Variants in LRRC4C observed in about 807,000 individuals in gnomAD.
LRRC4C encodes the protein leucine rich repeat containing 4C, also known as leucine-rich repeat-containing protein 4C.
LRRC4C carries 5 observed loss-of-function variants against 33.6 expected under a neutral mutation model. That is an observed-to-expected ratio of 0.15 (90% CI 0.08 to 0.31). The LOEUF is 0.31. Ranked by LOEUF, LRRC4C falls within the 10% of genes least tolerant of loss-of-function variation. The probability of loss-of-function intolerance (pLI) is 1.00; values close to 1 mark genes in which losing one functional copy is unlikely to be tolerated. For synonymous variants in LRRC4C, 329 were observed against 302.0 expected (o/e 1.09, Z -0.93); for missense variants, 560 against 796.7 (o/e 0.70, Z 3.58).
At chr11:41,205,815 C>G (rs1375907033) in intron 1 of LRRC4C, among the ~76,000 whole-genome samples, 1 of 152,132 alleles carries the variant, frequency 6.6e-6, no homozygotes, top group Non-Finnish European at 1.5e-5. Context: ...TTATTATCCT[C>G]CTTTTACAGA....
chr11:40,622,081 A>G (rs748543128), intron 3 of LRRC4C, among the ~76,000 whole-genome samples: 60 of 151,832 alleles, frequency 4.0e-4, no homozygotes, highest in Non-Finnish European at 8.0e-4. Context: ...AACTAAAACC[A>G]ATCTCTCAGG....
intron 3 of LRRC4C, among the ~76,000 whole-genome samples, chr11:40,394,885 T>C (rs984893475): frequency 2.0e-5 from 3 of 152,292 alleles, no homozygotes; most frequent in East Asian, 3.9e-4. Context: ...CTGTATCTAT[T>C]TCTCTTTGTA....
chr11:40,403,227 A>C (rs1949828926), intron 3 of LRRC4C, among the ~76,000 whole-genome samples: 2 of 152,122 alleles, frequency 1.3e-5, no homozygotes, highest in South Asian at 4.1e-4. Context: ...TCTACTCTGC[A>C]CCACAAGATG....
chr11:40,182,591 G>A lies in LRRC4C; in HGVS notation c.-95-41738C>T, dbSNP rs114161453. Among the ~76,000 whole-genome samples, 835 of 152,148 alleles carry A rather than the reference G, an allele frequency of 5.5e-3. 12 individuals carry two copies. Among genetic ancestry groups the A allele is most frequent in the African/African-American group, 0.019 (788 of 41,510 alleles). ...AAATAATTCTAATTGCATGCTAAAT[G>A]TTCAACGGCAATATTTAAAGAAAAA... is the stretch of plus-strand genomic sequence containing the variant. On this transcript the variant is annotated intron_variant, in intron 5 of 6. Coordinates refer to ENST00000528697, the MANE Select transcript of LRRC4C (RefSeq NM_001258419.2).
At chr11:40,855,053 C>G (rs556042230) in intron 2 of LRRC4C, among the ~76,000 whole-genome samples, 1 of 152,194 alleles carries the variant, frequency 6.6e-6, no homozygotes, top group Admixed American at 6.5e-5. Context: ...CTGATACTTC[C>G]ATTTCTCTGT....
chr11:40,400,076 G>A (rs1318882439), intron 3 of LRRC4C, among the ~76,000 whole-genome samples: 1 of 152,098 alleles, frequency 6.6e-6, no homozygotes, highest in African/African-American at 2.4e-5. Context: ...CATCTTCACA[G>A]AGAATAGAAC....
At chr11:40,299,559 G>T (rs1363008518) in intron 4 of LRRC4C, among the ~76,000 whole-genome samples, 1 of 152,194 alleles carries the variant, frequency 6.6e-6, no homozygotes, top group Non-Finnish European at 1.5e-5. Flanking sequence ...TAATGCATAG[G>T]AAAAGATTCA....
rs181773432 is a variant in LRRC4C, at chr11:40,330,477, A to G, written c.-269-10756T>C. 1.8e-3 allele frequency among the ~76,000 whole-genome samples: 275 copies of G among 152,236 alleles called. 1 individual carries two copies. Among genetic ancestry groups the G allele is most frequent in the African/African-American group, 6.4e-3 (265 of 41,540 alleles). On this transcript the variant is annotated intron_variant, in intron 3 of 6. Transcript: ENST00000528697. Reference sequence around the variant, plus strand: ...TATTTCTTTATGTTGGGAACATTCAAAATCTTCTTGTATTAGCCTGGTCTC... The same window carrying G: ...TATTTCTTTATGTTGGGAACATTCAGAATCTTCTTGTATTAGCCTGGTCTC...
chr11:41,190,730 C>G (rs1170758238), intron 1 of LRRC4C, among the ~76,000 whole-genome samples: 1 of 152,138 alleles, frequency 6.6e-6, no homozygotes, highest in African/African-American at 2.4e-5. Context: ...TCTGAAATGA[C>G]GTGACACTAG....
intron 3 of LRRC4C, among the ~76,000 whole-genome samples, chr11:40,360,554 G>A (rs4397839): frequency 0.5 from 75,445 of 151,996 alleles, 19,156 homozygotes; most frequent in East Asian, 0.8. Context: ...TCAATAGTGA[G>A]GTCTAATGAA....
At chr11:40,375,949 A>T (rs1452486) in intron 3 of LRRC4C, among the ~76,000 whole-genome samples, 151,058 of 152,286 alleles carry the variant, frequency 0.99, 74,942 homozygotes, top group Middle Eastern at 1. Flanking sequence ...CAAGTAATTA[A>T]CTTAAAATGT....
chr11:40,420,242 A>G (rs1381682681), intron 3 of LRRC4C, among the ~76,000 whole-genome samples: 1 of 152,174 alleles, frequency 6.6e-6, no homozygotes, highest in African/African-American at 2.4e-5. Context: ...GAAATCGATC[A>G]CCACAATTGT....
chr11:40,259,860 T>A lies in LRRC4C; in HGVS notation c.-175-18262A>T, dbSNP rs547635598. On this transcript the variant is annotated intron_variant, in intron 4 of 6. Coordinates refer to ENST00000528697, the MANE Select transcript of LRRC4C (RefSeq NM_001258419.2). ...AAATCAAAACCACAATGAGATACCA[T>A]CTCACACCAGTTAGAATGTCGATCA... Among the ~76,000 whole-genome samples, 463 of 152,212 alleles carry A rather than the reference T, an allele frequency of 3.0e-3. 4 individuals are homozygous for A. The highest frequency in any genetic ancestry group is 5.3e-3 in the Non-Finnish European group (359 of 68,024).
intron 3 of LRRC4C, among the ~76,000 whole-genome samples, chr11:40,497,378 T>C (rs748486156): frequency 7.9e-5 from 12 of 151,648 alleles, no homozygotes; most frequent in Non-Finnish European, 1.6e-4. Context: ...CACTCCAGCC[T>C]GGGCAACAAA....
intron 5 of LRRC4C, among the ~76,000 whole-genome samples, chr11:40,158,579 C>CAAAAAA (rs10652402): frequency 1.4e-5 from 2 of 141,210 alleles, no homozygotes; most frequent in African/African-American, 5.2e-5. Context: ...ACATACTTAT[C>CAAAAAA]AAAAAAAAAA....
chr11:40,834,559 A>G (rs1389715739), intron 2 of LRRC4C, among the ~76,000 whole-genome samples: 3 of 152,186 alleles, frequency 2.0e-5, no homozygotes, highest in South Asian at 2.1e-4. Flanking sequence ...AAGGGGAGTT[A>G]TAACTGGCAC....
At chr11:41,272,647 C>T (rs1949357849) in intron 1 of LRRC4C, among the ~76,000 whole-genome samples, 1 of 151,998 alleles carries the variant, frequency 6.6e-6, no homozygotes, top group Non-Finnish European at 1.5e-5. Context: ...CTGCTTAATA[C>T]CGAAGCGATG....
At chr11:40,909,636 G>C (rs572253285) in intron 2 of LRRC4C, among the ~76,000 whole-genome samples, 47 of 152,072 alleles carry the variant, frequency 3.1e-4, no homozygotes, top group African/African-American at 1.0e-3. Flanking sequence ...ATCTTCTCTT[G>C]ATCAGTTATA....
chr11:40,793,803 C>T (rs1203090506), intron 2 of LRRC4C, among the ~76,000 whole-genome samples: 1 of 152,106 alleles, frequency 6.6e-6, no homozygotes, highest in Non-Finnish European at 1.5e-5. Flanking sequence ...TCATTTTCAA[C>T]TTCTTTGTGC....
Sources: gnomAD v4.1 joint callset for allele counts (sites outside exome capture counted in the v4.1 genomes callset) on GRCh38, gnomAD v4.1.1 for gene constraint, MANE v1.5 for transcripts, NCBI Gene and HGNC (gene_info 2026-07-23, HGNC 2026-07-21) for gene names.